Variants in MED13L observed in about 807,000 individuals in gnomAD.
The protein encoded by MED13L is mediator complex subunit 13L.
Under a neutral mutation model 220.9 loss-of-function variants are expected in MED13L, and 7 were observed. The ratio of observed to expected loss-of-function variants is 0.03; its 90% CI spans 0.02 to 0.06. The LOEUF is 0.06. Ranked by LOEUF, MED13L falls within the 10% of genes least tolerant of loss-of-function variation. The pLI, the probability that MED13L is intolerant of heterozygous loss-of-function variation, is 1.00. For synonymous variants in MED13L, 1,011 were observed against 1,015.2 expected, an observed-to-expected ratio of 1.00 and a Z score of 0.08; for missense variants, 1,965 against 2,760.5, an observed-to-expected ratio of 0.71 and a Z score of 6.46.
chr12:116,096,925 G>C (rs1872681144), intron 3 of MED13L, among the ~76,000 whole-genome samples, 173 bp from the exon 4 acceptor site: 1 of 152,126 alleles, frequency 6.6e-6, no homozygotes. Context: ...AGAACTCTGG[G>C]ACACTGGGCA....
At chr12:116,183,299 A>G (rs1282052278) in intron 2 of MED13L, among the ~76,000 whole-genome samples, 1 of 152,214 alleles carries the variant, frequency 6.6e-6, no homozygotes, top group Non-Finnish European at 1.5e-5. Flanking sequence ...AATAAACAGT[A>G]CAGTTTTCAA....
intron 21 of MED13L, 131 bp downstream of exon 21, chr12:115,982,982 CCTTT>C (rs1592914098): frequency 1.1e-6 from 1 of 933,782 alleles, no homozygotes; most frequent in East Asian, 2.5e-5. Flanking sequence ...GACCATTGCC[CCTTT>C]CTTTTGAGAA....
chr12:116,106,381 T>G (rs1215886700), intron 3 of MED13L, among the ~76,000 whole-genome samples: 1 of 152,152 alleles, frequency 6.6e-6, no homozygotes, highest in Non-Finnish European at 1.5e-5. Context: ...GAAGCAGAAC[T>G]GGTTGCGTTA....
chr12:115,981,978 C>T (rs950576111), intron 22 of MED13L: 6 of 196,824 alleles, frequency 3.0e-5, no homozygotes, highest in African/African-American at 1.4e-4. Context: ...ATCCAAAATG[C>T]ACCAAAACCC....
Position 116,008,546 on chromosome 12 carries a change from G to C in MED13L, c.1867C>G (p.Pro623Ala). Residue 623 changes from proline to alanine, a missense_variant, in exon 10 of 31, where the codon CCC becomes GCC. Coordinates refer to ENST00000281928, the MANE Select transcript of MED13L (RefSeq NM_015335.5). ...TTTTCTGATGACTCCGGGTTCGAGG[G>C]CCTAATCCCACAATATAAGGCTGTC... is the stretch of plus-strand genomic sequence containing the variant. ...SETALYCGIR[P>A]SNPESSEKWW... is the part of the protein sequence containing the mutation. The C allele has an allele frequency of 1.2e-6, 2 of 1,613,946 alleles. No homozygotes were observed. Among genetic ancestry groups the C allele is most frequent in the Non-Finnish European group, 1.7e-6 (2 of 1,179,972 alleles).
intron 1 of MED13L, among the ~76,000 whole-genome samples, chr12:116,266,413 T>C (rs752624914): frequency 1.4e-4 from 22 of 152,168 alleles, no homozygotes; most frequent in Non-Finnish European, 3.1e-4. Context: ...AAGGAAAACC[T>C]GCCTTCAAAA....
chr12:116,104,809 A>T (rs889831269), intron 3 of MED13L, among the ~76,000 whole-genome samples: 14 of 152,242 alleles, frequency 9.2e-5, no homozygotes. Flanking sequence ...AATTTAAAGT[A>T]TACTACTGCA....
intron 2 of MED13L, among the ~76,000 whole-genome samples, chr12:116,212,058 T>C (rs1882730394): frequency 6.6e-6 from 1 of 152,212 alleles, no homozygotes; most frequent in African/African-American, 2.4e-5. Context: ...CAAATAATCA[T>C]ATTACAGTAA....
intron 4 of MED13L, among the ~76,000 whole-genome samples, chr12:116,038,764 A>AT (rs1436117562): frequency 6.8e-6 from 1 of 147,070 alleles, no homozygotes; most frequent in Non-Finnish European, 1.5e-5. Flanking sequence ...AAAAAAAAAA[A>AT]AAAAAAAGGA....
chr12:116,250,552 T>C (rs1254136132), intron 1 of MED13L, among the ~76,000 whole-genome samples: 1 of 147,164 alleles, frequency 6.8e-6, no homozygotes, highest in Non-Finnish European at 1.5e-5. Flanking sequence ...TCACCTGAGG[T>C]CAGGAGTTCG....
chr12:116,098,752 C>T lies in MED13L; in HGVS notation c.396-2000G>A, dbSNP rs139387102. On this transcript the variant is annotated intron_variant, in intron 3 of 30. Transcript: ENST00000281928. Reference sequence around the variant, plus strand: ...AATCATTTTCAGCGTAACCAAATCTCTTTTCCTAAGCTTATAAGTTTAAAA... The same window carrying T: ...AATCATTTTCAGCGTAACCAAATCTTTTTTCCTAAGCTTATAAGTTTAAAA... Among the ~76,000 whole-genome samples, 1,500 of 152,168 alleles carry T rather than the reference C, an allele frequency of 9.9e-3. 26 individuals carry two copies. Among genetic ancestry groups the T allele is most frequent in the African/African-American group, 0.034 (1,406 of 41,506 alleles).
intron 7 of MED13L, among the ~76,000 whole-genome samples, chr12:116,016,056 T>C (rs1196880350): frequency 6.6e-6 from 1 of 152,220 alleles, no homozygotes; most frequent in East Asian, 1.9e-4. Flanking sequence ...TTTTACTACT[T>C]CTATCTTATA....
chr12:116,110,073 C>T (rs1032456118), intron 3 of MED13L: 8 of 152,108 alleles, frequency 5.3e-5, no homozygotes, highest in African/African-American at 1.7e-4. Flanking sequence ...CAGGAAGAGA[C>T]GTAAAAAGTT....
intron 4 of MED13L, among the ~76,000 whole-genome samples, chr12:116,085,192 G>T (rs147668265): frequency 1.4e-3 from 212 of 152,240 alleles, no homozygotes; most frequent in African/African-American, 5.0e-3. Context: ...TACAAGAATT[G>T]CAATTCACAA....
chr12:116,163,364 T>C (rs1346113853), intron 2 of MED13L, among the ~76,000 whole-genome samples: 1 of 12,870 alleles, frequency 7.8e-5, no homozygotes, highest in Admixed American at 1.0e-3. Flanking sequence ...GGTGAAGAAT[T>C]TTTTTTTTTT....
intron 4 of MED13L, among the ~76,000 whole-genome samples, chr12:116,023,796 T>G (rs75869063): frequency 0.044 from 6,689 of 152,184 alleles, 505 homozygotes; most frequent in African/African-American, 0.15. Context: ...AAAAGAATTT[T>G]GAAAAAAAGT....
intron 2 of MED13L, among the ~76,000 whole-genome samples, chr12:116,138,353 A>G (rs1309903370): frequency 3.9e-5 from 6 of 152,216 alleles, no homozygotes; most frequent in African/African-American, 1.4e-4. Context: ...GCTGTTACGT[A>G]CAGGGACTGG....
At chr12:116,086,353 A>G (rs1871688532) in intron 4 of MED13L, among the ~76,000 whole-genome samples, 1 of 148,964 alleles carries the variant, frequency 6.7e-6, no homozygotes, top group Admixed American at 6.8e-5. Flanking sequence ...GTGGGATCTC[A>G]GCTCACTGCA....
Position 116,030,000 on chromosome 12 carries a change from ACT to A in MED13L, c.480-7401_480-7400del, listed in dbSNP as rs540050028. On this transcript the variant is annotated intron_variant, in intron 4 of 30. Transcript: ENST00000281928. ...TTGTTTGTTTTTCAGATGGAATCTC[ACT>A]CTGTCACCCAGGCTGCAGTGCAGTG... Among the ~76,000 whole-genome samples the A allele has an allele frequency of 2.2e-3, 342 of 152,040 alleles. 1 individual carries two copies. Among genetic ancestry groups the A allele is most frequent in the Non-Finnish European group, 4.3e-3 (294 of 67,972 alleles).
Sources: gnomAD v4.1 joint callset for allele counts (sites outside exome capture counted in the v4.1 genomes callset) on GRCh38, gnomAD v4.1.1 for gene constraint, MANE v1.5 for transcripts, NCBI Gene and HGNC (gene_info 2026-07-23, HGNC 2026-07-21) for gene names.